Variants in RTL1 observed in about 807,000 individuals in gnomAD.
RTL1 encodes the protein retrotransposon-like protein 1.
For missense variants in RTL1, 1,681 were observed against 1,767.5 expected, an observed-to-expected ratio of 0.95 and a Z score of 0.88; for synonymous variants, 727 against 748.4, an observed-to-expected ratio of 0.97 and a Z score of 0.47.
intron 2 of RTL1, among the ~76,000 whole-genome samples, chr14:100,896,917 C>T (rs1001116800): frequency 2.0e-5 from 3 of 152,160 alleles, no homozygotes; most frequent in East Asian, 1.9e-4. Context: ...GTCACATTCC[C>T]CCAAGGTCTC....
chr14:100,881,408 G>T lies in RTL1; in HGVS notation c.3381C>A (p.Ile1127=). The T allele has an allele frequency of 6.4e-7, 1 of 1,550,830 alleles. No individual in the cohort carries two copies. Among genetic ancestry groups the T allele is most frequent in the South Asian group, 1.2e-5 (1 of 84,066 alleles). Residue 1127 remains isoleucine, a synonymous_variant, in exon 4 of 4, where the codon ATC becomes ATA. Transcript: ENST00000649591. The surrounding 1 kb of genome is among the most constrained non-coding windows in gnomAD (Gnocchi z 6.6). ...TGCCTGCGATGAGGGACGAATCCAG[G>T]ATGAGTCGTAGGGAGCGCTGGGGCT... ...RPQPQRSLRL[I]LDSSLIAGSS...
rs2038629573 is a variant in RTL1, at chr14:100,882,368, T to C, written c.2421A>G (p.Leu807=). The change falls in exon 4 of 4, where the codon CTA becomes CTG. Residue 807 remains leucine (L), a synonymous_variant. Transcript: ENST00000649591. ...ITGYPTPGSK[L]SLRNFIEFVF... is the part of the protein sequence containing the mutation. The stretch of plus-strand genomic sequence containing the variant: ...CGAATTCGATGAAGTTTCGCAGAGA[T>C]AGCTTGGAGCCAGGGGTAGGGTACC... The C allele has an allele frequency of 6.4e-7, 1 of 1,551,544 alleles. No homozygotes were observed. Among genetic ancestry groups the C allele is most frequent in the South Asian group, 1.2e-5 (1 of 84,070 alleles).
At chr14:100,890,306 T>TG (rs968150942) in intron 3 of RTL1, among the ~76,000 whole-genome samples, 92 of 144,154 alleles carry the variant, frequency 6.4e-4, no homozygotes, top group East Asian at 4.3e-3. Context: ...GGGTTGGGTG[T>TG]GGGGGGGGCC....
At chr14:100,901,376 A>G (rs1163611322) in intron 2 of RTL1, among the ~76,000 whole-genome samples, 2 of 152,236 alleles carry the variant, frequency 1.3e-5, no homozygotes, top group Non-Finnish European at 2.9e-5. Context: ...TGGAAACTGC[A>G]GAACAGAGCC....
At chr14:100,899,418 T>C (rs919832834) in intron 2 of RTL1, among the ~76,000 whole-genome samples, 11 of 152,164 alleles carry the variant, frequency 7.2e-5, no homozygotes, top group Admixed American at 7.2e-4. Context: ...AGGACAGGGC[T>C]GAGAGCAAGT....
Position 100,882,270 on chromosome 14 carries a change from G to A in RTL1, c.2519C>T (p.Ser840Phe), listed in dbSNP as rs1448627892. ...CTCGACTCCCCAGTAGAACTGGTAG[G>A]AGCTCAGCAGCTGCCGCACCAGGGG... Reference protein sequence around the residue: ...AEPLVRQLLSSYQFYWGVEEQ... With the variant: ...AEPLVRQLLSFYQFYWGVEEQ... The change falls in exon 4 of 4, where the codon TCC becomes TTC. Residue 840 changes from serine to phenylalanine, a missense_variant. Coordinates refer to ENST00000649591, the MANE Select transcript of RTL1 (RefSeq NM_001134888.3). 2 of 1,551,434 alleles carry A rather than the reference G, an allele frequency of 1.3e-6. No individual in the cohort carries two copies. Among genetic ancestry groups the A allele is most frequent in the African/African-American group, 1.4e-5 (1 of 73,048 alleles).
In RTL1 at chr14:100,880,194, C is replaced by T. The variant is rs1300588553; in HGVS notation, c.*518G>A. On this transcript the variant is annotated 3_prime_UTR_variant, in exon 4 of 4. Coordinates refer to ENST00000649591, the MANE Select transcript of RTL1 (RefSeq NM_001134888.3). Reference sequence around the variant, plus strand: ...AGGGAGGCACCACATCATCAGATGTCGGGAGGTTGGGGGATGGGGGTTGGG... The same window carrying T: ...AGGGAGGCACCACATCATCAGATGTTGGGAGGTTGGGGGATGGGGGTTGGG... Among the ~76,000 whole-genome samples the T allele has an allele frequency of 2.9e-4, 3 of 10,308 alleles. No individual in the cohort carries two copies. The highest frequency in any genetic ancestry group is 5.6e-4 in the Non-Finnish European group (3 of 5,324). The allele number at this position is 10,308 out of a possible 152,430, so 6.8% of individuals were successfully genotyped here. A position where few individuals can be genotyped will look rare whatever the true frequency, so the allele number is the denominator to read the frequency against.
intron 2 of RTL1, chr14:100,897,939 T>C (rs1340316666): frequency 1.9e-6 from 1 of 516,634 alleles, no homozygotes; most frequent in Non-Finnish European, 3.9e-6. Flanking sequence ...GATGAGACAG[T>C]GTTTATGAAC....
rs1453269575 is a variant in RTL1, at chr14:100,880,741, C to T, written c.4048G>A (p.Asp1350Asn). 3 of 1,550,856 alleles carry T rather than the reference C, an allele frequency of 1.9e-6. No individual in the cohort carries two copies. Among genetic ancestry groups the T allele is most frequent in the Non-Finnish European group, 2.6e-6 (3 of 1,146,986 alleles). The change falls in exon 4 of 4, where the codon GAT becomes AAT. Residue 1350 changes from aspartate to asparagine, a missense_variant. Transcript: ENST00000649591. ...REQARLEELPDEDEDANLD is the reference protein window; with the variant it reads ...REQARLEELPNEDEDANLD The stretch of plus-strand genomic sequence containing the variant: ...TCGAGGTTAGCATCTTCGTCCTCAT[C>T]AGGCAGCTCTTCTAGCCTTGCCTGC...
rs2038811349 is a variant in RTL1 at position 100,893,594 on chromosome 14, T to C, written c.-148-89A>G. Among the ~76,000 whole-genome samples, 1 of 152,238 alleles carries C rather than the reference T, an allele frequency of 6.6e-6. No homozygotes were observed. The highest frequency in any genetic ancestry group is 1.5e-5 in the Non-Finnish European group (1 of 68,048). On this transcript the variant is annotated intron_variant, in intron 2 of 3. Coordinates refer to ENST00000649591, the MANE Select transcript of RTL1 (RefSeq NM_001134888.3). The surrounding 1 kb of genome is among the most constrained non-coding windows in gnomAD (Gnocchi z 4.2). ...ACATTTTCTACAGTAGCAACCACAG[T>C]GCACACACACAGTCTTCCAGCCTGC...
intron 3 of RTL1, among the ~76,000 whole-genome samples, chr14:100,887,233 G>A (rs1242546969): frequency 3.3e-5 from 5 of 152,062 alleles, no homozygotes; most frequent in South Asian, 2.1e-4. Context: ...AAACCTCTTC[G>A]CATGATATAA....
At chr14:100,896,189 A>G (rs1490069970) in intron 2 of RTL1, among the ~76,000 whole-genome samples, 1 of 152,210 alleles carries the variant, frequency 6.6e-6, no homozygotes, top group Non-Finnish European at 1.5e-5. Context: ...CTTCACGTGC[A>G]GGAAAGGCGA....
intron 2 of RTL1, among the ~76,000 whole-genome samples, chr14:100,899,642 A>G (rs911729492): frequency 6.6e-6 from 1 of 151,690 alleles, no homozygotes; most frequent in African/African-American, 2.4e-5. Context: ...AGACCCAGCT[A>G]CAGAACAGAC....
chr14:100,901,267 C>T (rs946544306), intron 2 of RTL1, among the ~76,000 whole-genome samples: 9 of 152,258 alleles, frequency 5.9e-5, no homozygotes, highest in South Asian at 2.1e-4. Flanking sequence ...TGGCTGGCCT[C>T]GCAGCCATCC....
Position 100,882,119 on chromosome 14 carries a change from C to T in RTL1, c.2670G>A (p.Leu890=), listed in dbSNP as rs1299749614. ...TGCCGGTTTGGTCGTCGATTTGGAT[C>T]AGGGAGGCGTGCAGGGCCGTGCCGG... ...GVTGTALHAS[L]IQIDDQTGKR... The change falls in exon 4 of 4, where the codon CTG becomes CTA. Residue 890 remains leucine (L), a synonymous_variant. Transcript: ENST00000649591. The T allele has an allele frequency of 3.8e-6, 6 of 1,558,804 alleles. No individual in the cohort carries two copies. In the South Asian group the frequency reaches 7.0e-5, roughly 18 times the overall value.
chr14:100,896,630 G>A (rs1292759057), intron 2 of RTL1, among the ~76,000 whole-genome samples: 1 of 145,492 alleles, frequency 6.9e-6, no homozygotes, highest in Non-Finnish European at 1.5e-5. Context: ...GAGTCGGGGT[G>A]CCTCCTCTGG....
intron 2 of RTL1, among the ~76,000 whole-genome samples, chr14:100,894,309 CAAAA>C (rs562868034): frequency 1.4e-5 from 1 of 72,462 alleles, no homozygotes; most frequent in Non-Finnish European, 3.2e-5. Flanking sequence ...AACTCCGTCT[CAAAA>C]AAAAAAAAAA....
At chr14:100,884,942 G>C (rs2038677253) in intron 3 of RTL1, 68 bp from the exon 4 acceptor site, 2 of 663,554 alleles carry the variant, frequency 3.0e-6, no homozygotes, top group East Asian at 5.6e-5. Flanking sequence ...GGCAGTATCA[G>C]GGTCTCAAGG....
At position 100,884,847 on chromosome 14, in the gene RTL1, CAGT is replaced by C; in HGVS notation, c.-62_-60del. 1.4e-6 allele frequency: 2 copies of C among 1,477,012 alleles called. No homozygotes were observed. Among genetic ancestry groups the C allele is most frequent in the Middle Eastern group, 3.7e-4 (2 of 5,428 alleles). The allele number at this position is 1,477,012 out of a possible 1,614,324, so 91.5% of individuals were successfully genotyped here. Reference sequence around the variant, plus strand: ...TGGTAAGGTTGTGATGGCGTCCAGTCAGTAGCTGGGACCGTGGAGATCAGAACC... The same window carrying C: ...TGGTAAGGTTGTGATGGCGTCCAGTCAGCTGGGACCGTGGAGATCAGAACC... On this transcript the variant is annotated 5_prime_UTR_variant, in exon 4 of 4. Transcript: ENST00000649591.
Sources: allele counts gnomAD v4.1 joint callset (sites outside exome capture counted in the v4.1 genomes callset), GRCh38; gene constraint gnomAD v4.1.1; non-coding constraint Gnocchi (gnomAD v3.1); transcripts MANE v1.5; gene names NCBI Gene and HGNC (gene_info 2026-07-23, HGNC 2026-07-21).